The following ZFPM2 variants were observed in gnomAD, a reference collection of about 807,000 sequenced individuals.
ZFPM2 encodes the protein zinc finger protein ZFPM2.
ZFPM2 carries 20 observed loss-of-function variants against 98.6 expected under a neutral mutation model. The observed-to-expected ratio is 0.20, with a 90% CI of 0.14 to 0.29. ZFPM2 has a LOEUF of 0.29. Ranked by LOEUF, ZFPM2 falls within the 10% of genes least tolerant of loss-of-function variation. ZFPM2 has a pLI of 1.00. For synonymous variants in ZFPM2, 518 were observed against 502.7 expected, an observed-to-expected ratio of 1.03 and a Z score of -0.41; for missense variants, 1,310 against 1,388.6, an observed-to-expected ratio of 0.94 and a Z score of 0.90.
intron 3 of ZFPM2, among the ~76,000 whole-genome samples, chr8:105,514,241 T>C (rs10093297): frequency 0.4 from 60,081 of 150,914 alleles, 14,697 homozygotes; most frequent in African/African-American, 0.7. Flanking sequence ...GACCTGAAGC[T>C]ATCCACCTGC....
intron 5 of ZFPM2, chr8:105,737,562 C>G (rs1474233581): frequency 6.6e-6 from 1 of 152,158 alleles, no homozygotes; most frequent in Non-Finnish European, 1.5e-5. Flanking sequence ...TCACCTCAAT[C>G]TGTTCCGACC....
intron 3 of ZFPM2, among the ~76,000 whole-genome samples, chr8:105,517,945 A>G (rs1415015615): frequency 6.6e-6 from 1 of 152,098 alleles, no homozygotes; most frequent in Admixed American, 6.5e-5. Context: ...TTAGCAAACG[A>G]CGAATACCCT....
At position 105,784,122 on chromosome 8, in the gene ZFPM2, C is replaced by T. The variant is rs545607480; in HGVS notation, c.533-4596C>T. On this transcript the variant is annotated intron_variant, in intron 5 of 7. Transcript: ENST00000407775. ...ACATAAGGTCAAAGGGTACAAGATA[C>T]CAACATAGCTAAATATCAACATGAC... is the stretch of plus-strand genomic sequence containing the variant. 9.2e-5 allele frequency among the ~76,000 whole-genome samples: 14 copies of T among 152,152 alleles called. No individual in the cohort carries two copies. In the South Asian group the frequency reaches 2.5e-3, roughly 27 times the overall value.
intron 5 of ZFPM2, among the ~76,000 whole-genome samples, chr8:105,713,169 T>A (rs190997803): frequency 1.3e-5 from 2 of 152,224 alleles, no homozygotes; most frequent in Admixed American, 1.3e-4. Context: ...TAAACATTCC[T>A]TTTTTCTTCA....
chr8:105,356,746 A>G, intron 1 of ZFPM2, among the ~76,000 whole-genome samples: 1 of 152,162 alleles, frequency 6.6e-6, no homozygotes, highest in East Asian at 1.9e-4. Flanking sequence ...CCTTCCCCCG[A>G]CAGTTGATGA....
intron 4 of ZFPM2, among the ~76,000 whole-genome samples, chr8:105,612,658 T>C (rs1159196425): frequency 2.0e-5 from 3 of 152,190 alleles, no homozygotes; most frequent in Admixed American, 6.5e-5. Context: ...GGTTGGAGTA[T>C]GAAAGAATTT....
At chr8:105,797,703 A>G (rs1241462500) in intron 6 of ZFPM2, among the ~76,000 whole-genome samples, 1 of 152,116 alleles carries the variant, frequency 6.6e-6, no homozygotes, top group East Asian at 1.9e-4. Flanking sequence ...GATCAGGATG[A>G]TCCAACCCCT....
At chr8:105,736,169 A>G (rs1231007465) in intron 5 of ZFPM2, among the ~76,000 whole-genome samples, 1 of 151,980 alleles carries the variant, frequency 6.6e-6, no homozygotes, top group Non-Finnish European at 1.5e-5. Context: ...GTGGTGAGCT[A>G]AAGTAGAAAT....
chr8:105,524,857 A>G (rs1470346013), intron 3 of ZFPM2, among the ~76,000 whole-genome samples: 3 of 152,014 alleles, frequency 2.0e-5, no homozygotes, highest in South Asian at 4.2e-4. Context: ...GTAGAGGGAG[A>G]AAAAAAGATT....
chr8:105,556,563 T>C (rs980255376), intron 3 of ZFPM2, among the ~76,000 whole-genome samples: 9 of 152,156 alleles, frequency 5.9e-5, no homozygotes, highest in Non-Finnish European at 1.2e-4. Context: ...TCTCATTCAA[T>C]TGTGAACCCA....
chr8:105,417,507 A>T (rs1811701886), intron 1 of ZFPM2, among the ~76,000 whole-genome samples: 1 of 152,120 alleles, frequency 6.6e-6, no homozygotes, highest in Admixed American at 6.6e-5. Context: ...GTTGAAAAAA[A>T]ATAAGGGAAA....
intron 1 of ZFPM2, among the ~76,000 whole-genome samples, chr8:105,337,140 T>C (rs1043889444): frequency 1.6e-4 from 24 of 151,750 alleles, no homozygotes; most frequent in African/African-American, 5.3e-4. Flanking sequence ...GCTGGTTTGC[T>C]ATTTCTATCT....
intron 1 of ZFPM2, among the ~76,000 whole-genome samples, chr8:105,336,250 G>C (rs182696365): frequency 6.6e-6 from 1 of 151,600 alleles, no homozygotes; most frequent in Non-Finnish European, 1.5e-5. Context: ...TAAAGACGAG[G>C]TTATTAAGGA....
intron 4 of ZFPM2, among the ~76,000 whole-genome samples, chr8:105,632,165 T>C (rs557517693): frequency 6.6e-6 from 1 of 152,098 alleles, no homozygotes; most frequent in East Asian, 1.9e-4. Context: ...TTTTGTTTTG[T>C]TTTGTTTTGT....
intron 1 of ZFPM2, among the ~76,000 whole-genome samples, chr8:105,353,805 AT>A (rs1017670833): frequency 2.6e-5 from 4 of 152,316 alleles, no homozygotes; most frequent in African/African-American, 9.6e-5. Context: ...TTTGCTTAAA[AT>A]TTTTTAAAAG....
intron 1 of ZFPM2, among the ~76,000 whole-genome samples, chr8:105,380,725 T>TATATATTATATAG: frequency 2.5e-5 from 1 of 40,046 alleles, no homozygotes; most frequent in Non-Finnish European, 3.7e-5. Flanking sequence ...ATATTATATA[T>TATATATTATATAG]AACATATATA....
At chr8:105,436,931 A>G (rs1432381789) in intron 2 of ZFPM2, among the ~76,000 whole-genome samples, 1 of 152,148 alleles carries the variant, frequency 6.6e-6, no homozygotes, top group Non-Finnish European at 1.5e-5. Context: ...CATCTTTATG[A>G]TTTCAGTGTT....
At chr8:105,550,479 A>G (rs1814825344) in intron 3 of ZFPM2, among the ~76,000 whole-genome samples, 1 of 152,200 alleles carries the variant, frequency 6.6e-6, no homozygotes, top group African/African-American at 2.4e-5. Flanking sequence ...TTTAGCTTTG[A>G]GCCCTAGCCC....
At chr8:105,370,463 G>A (rs755839201) in intron 1 of ZFPM2, among the ~76,000 whole-genome samples, 5 of 152,208 alleles carry the variant, frequency 3.3e-5, no homozygotes, top group Non-Finnish European at 7.3e-5. Flanking sequence ...TTGAATGGAG[G>A]TTGGGCTACA....
Sources: gnomAD v4.1 joint callset for allele counts (sites outside exome capture counted in the v4.1 genomes callset) on GRCh38, gnomAD v4.1.1 for gene constraint, MANE v1.5 for transcripts, NCBI Gene and HGNC (gene_info 2026-07-23, HGNC 2026-07-21) for gene names.